Variants in VOPP1 observed in about 807,000 individuals in gnomAD.
The protein encoded by VOPP1 is VOPP1 WW domain binding protein.
In VOPP1, 8 loss-of-function variants were observed where a neutral mutation model predicts 23.5. That is an observed-to-expected ratio of 0.34 (90% CI 0.20 to 0.61). The LOEUF (loss-of-function observed/expected upper bound fraction) is 0.61, where lower values mean the gene tolerates loss of function less well. Ranked by LOEUF, VOPP1 falls within the 20% of genes least tolerant of loss-of-function variation. VOPP1 has a pLI of 0.78. For missense variants in VOPP1, 174 were observed against 238.1 expected (o/e 0.73, Z 1.77); for synonymous variants, 83 against 97.3 (o/e 0.85, Z 0.86).
chr7:55,561,473 G>C (rs1797982752), intron 1 of VOPP1, among the ~76,000 whole-genome samples: 1 of 152,068 alleles, frequency 6.6e-6, no homozygotes. Context: ...CTCTCTGGGA[G>C]GCCAAGGCGG....
intron 2 of VOPP1, among the ~76,000 whole-genome samples, chr7:55,503,845 A>G (rs1164030556): frequency 6.6e-6 from 1 of 152,226 alleles, no homozygotes; most frequent in Non-Finnish European, 1.5e-5. Context: ...CAGCCTCCAG[A>G]GCTGTGAGAA....
chr7:55,435,279 C>T (rs1293907908), downstream of VOPP1, among the ~76,000 whole-genome samples: 3 of 152,104 alleles, frequency 2.0e-5, no homozygotes, highest in African/African-American at 4.8e-5. Flanking sequence ...GTGTGTGACC[C>T]GAAAAAGGTG....
chr7:55,467,022 GAT>G (rs1791647145), downstream of VOPP1, among the ~76,000 whole-genome samples: 1 of 152,130 alleles, frequency 6.6e-6, no homozygotes, highest in African/African-American at 2.4e-5. Flanking sequence ...TTAGGCATTA[GAT>G]TCTCATAAGG....
chr7:55,532,029 G>A (rs199868041), intron 1 of VOPP1, among the ~76,000 whole-genome samples: 2 of 152,226 alleles, frequency 1.3e-5, no homozygotes, highest in East Asian at 3.8e-4. Context: ...TTTTGCATTT[G>A]GGTTGTGTAC....
At chr7:55,473,096 C>T (rs1583835666) in intron 4 of VOPP1, 51 bp from the exon 5 acceptor site, 5 of 1,565,018 alleles carry the variant, frequency 3.2e-6, no homozygotes, top group Non-Finnish European at 4.3e-6. Context: ...CCCCATCACA[C>T]CGCAAGTATG....
chr7:55,491,960 G>A (rs540221770), intron 4 of VOPP1, among the ~76,000 whole-genome samples: 4 of 152,164 alleles, frequency 2.6e-5, no homozygotes, highest in South Asian at 2.1e-4. Context: ...GGGTATTACC[G>A]CTCCTACACA....
At chr7:55,505,520 C>T (rs1794650599) in intron 2 of VOPP1, among the ~76,000 whole-genome samples, 1 of 151,736 alleles carries the variant, frequency 6.6e-6, no homozygotes, top group Non-Finnish European at 1.5e-5. Context: ...CAGATGCTCT[C>T]TACTCAGATG....
intron 4 of VOPP1, among the ~76,000 whole-genome samples, chr7:55,439,166 A>G (rs75661248): frequency 0.01 from 1,536 of 152,182 alleles, 22 homozygotes; most frequent in African/African-American, 0.034. Flanking sequence ...GGAGACCTAT[A>G]AGGTTACCAG....
At chr7:55,447,126 T>C (rs815946) in intron 4 of VOPP1, among the ~76,000 whole-genome samples, 49,743 of 152,102 alleles carry the variant, frequency 0.33, 8,704 homozygotes, top group East Asian at 0.53. Context: ...AACTGTGTCA[T>C]GTGATGCCCC....
chr7:55,549,329 G>A (rs575411669), intron 1 of VOPP1, among the ~76,000 whole-genome samples: 2 of 152,124 alleles, frequency 1.3e-5, no homozygotes, highest in Non-Finnish European at 2.9e-5. Context: ...TGGCCCTCAC[G>A]ATCAGGCATA....
At chr7:55,485,742 T>C (rs139300748) in intron 4 of VOPP1, among the ~76,000 whole-genome samples, 2,270 of 152,224 alleles carry the variant, frequency 0.015, 63 homozygotes, top group African/African-American at 0.051. Context: ...AGACGGCAGG[T>C]TGGACGTGTT....
At chr7:55,468,318 G>C (rs952364113), downstream of VOPP1, among the ~76,000 whole-genome samples, 1 of 150,844 alleles carries the variant, frequency 6.6e-6, no homozygotes. Flanking sequence ...AAAGAAAAGA[G>C]AGGCCCTGAG....
At chr7:55,532,073 A>G (rs1251802732) in intron 1 of VOPP1, among the ~76,000 whole-genome samples, 2 of 152,256 alleles carry the variant, frequency 1.3e-5, no homozygotes, top group Non-Finnish European at 2.9e-5. Flanking sequence ...TTTAGAAGAA[A>G]AGTGTGTTGG....
intron 2 of VOPP1, among the ~76,000 whole-genome samples, chr7:55,510,622 A>C (rs1795013826): frequency 6.9e-6 from 1 of 145,396 alleles, no homozygotes; most frequent in African/African-American, 2.6e-5. Context: ...CCACTCAGTC[A>C]GTACTGAAAC....
intron 1 of VOPP1, among the ~76,000 whole-genome samples, chr7:55,554,121 CA>C (rs2129054630): frequency 6.6e-6 from 1 of 152,312 alleles, no homozygotes; most frequent in East Asian, 1.9e-4. Flanking sequence ...AGAGGTATGC[CA>C]GTAAGAGTTT....
At chr7:55,455,768 G>C (rs1230876050) in intron 4 of VOPP1, among the ~76,000 whole-genome samples, 4 of 152,186 alleles carry the variant, frequency 2.6e-5, no homozygotes, top group African/African-American at 9.6e-5. Flanking sequence ...AGCTGAAACT[G>C]GGTCCTTTCC....
intron 1 of VOPP1, 107 bp downstream of exon 1, chr7:55,572,164 T>G (rs1342232631): frequency 1.1e-5 from 10 of 884,032 alleles, no homozygotes; most frequent in Non-Finnish European, 1.6e-5. Context: ...CGCTCCACCG[T>G]CTGCGCTCCC....
At chr7:55,444,988 T>C (rs1246079988) in intron 4 of VOPP1, among the ~76,000 whole-genome samples, 2 of 152,214 alleles carry the variant, frequency 1.3e-5, no homozygotes, top group African/African-American at 4.8e-5. Context: ...ACATTTCTTC[T>C]TGCTCTTTAT....
intron 4 of VOPP1, among the ~76,000 whole-genome samples, chr7:55,450,179 T>C (rs1214457714): frequency 6.6e-6 from 1 of 152,210 alleles, no homozygotes; most frequent in Non-Finnish European, 1.5e-5. Flanking sequence ...CACCGACTTG[T>C]GGCTGGGGGC....
Sources: allele counts gnomAD v4.1 joint callset (sites outside exome capture counted in the v4.1 genomes callset), GRCh38; gene constraint gnomAD v4.1.1; transcripts MANE v1.5; gene names NCBI Gene and HGNC (gene_info 2026-07-23, HGNC 2026-07-21).